Variants in CYFIP1 observed in about 807,000 individuals in gnomAD.
CYFIP1 encodes cytoplasmic FMR1 interacting protein 1, also known as cytoplasmic FMR1-interacting protein 1.
A neutral mutation model predicts 163.5 loss-of-function variants in CYFIP1; 58 were observed. The observed-to-expected ratio is 0.35, with a 90% CI of 0.29 to 0.44. CYFIP1 has a LOEUF of 0.44. Ranked by LOEUF, CYFIP1 falls within the 20% of genes least tolerant of loss-of-function variation. The probability of loss-of-function intolerance (pLI) is 1.00; values close to 1 mark genes in which losing one functional copy is unlikely to be tolerated. For synonymous variants in CYFIP1, 663 were observed against 660.7 expected, an observed-to-expected ratio of 1.00 and a Z score of -0.05; for missense variants, 1,338 against 1,653.8, an observed-to-expected ratio of 0.81 and a Z score of 3.31.
At chr15:22,909,084 A>G in intron 21 of CYFIP1, 110 bp downstream of exon 21, 1 of 1,367,572 alleles carries the variant, frequency 7.3e-7, no homozygotes, top group East Asian at 2.3e-5. Context: ...TATCTATACA[A>G]GAGGCTTGGT....
intron 1 of CYFIP1, among the ~76,000 whole-genome samples, chr15:22,972,403 C>T (rs916253831): frequency 1.3e-5 from 2 of 152,184 alleles, no homozygotes; most frequent in Admixed American, 6.5e-5. Flanking sequence ...CGCCATTGCA[C>T]TCCAGCCTGG....
rs560025583 is a variant in CYFIP1, at chr15:22,935,658, G to A, written c.900+1446C>T. Among the ~76,000 whole-genome samples the A allele has an allele frequency of 3.3e-5, 5 of 152,206 alleles. No individual in the cohort carries two copies. The South Asian group carries it at 8.3e-4, about 25-fold the overall frequency. On this transcript the variant is annotated intron_variant, in intron 9 of 30. Transcript: ENST00000617928. ...AGGAAGGGAATATACTGGTCAAAGC[G>A]TATAAAGTTTCAATTCCGCAGCATA...
chr15:22,906,539 C>T (rs1240754959), intron 21 of CYFIP1, among the ~76,000 whole-genome samples: 10 of 148,212 alleles, frequency 6.7e-5, no homozygotes, highest in African/African-American at 2.5e-4. Flanking sequence ...AATCTCGGCT[C>T]ACTGCAACCT....
In CYFIP1 at chr15:22,977,543, T is replaced by C. The variant is rs78058672; in HGVS notation, c.-7+2744A>G. 6.5e-3 allele frequency among the ~76,000 whole-genome samples: 996 copies of C among 152,196 alleles called. 21 individuals carry two copies. The highest frequency in any genetic ancestry group is 0.023 in the African/African-American group (951 of 41,526). On this transcript the variant is annotated intron_variant, in intron 1 of 30. Coordinates refer to ENST00000617928, the MANE Select transcript of CYFIP1 (RefSeq NM_014608.6). ...AGTTAAAACTTCACACTATAAAATA[T>C]GTTTTGGGTGGGCGCGGTGGTTCAC...
At chr15:22,945,835 G>A (rs187808944) in intron 3 of CYFIP1, among the ~76,000 whole-genome samples, 2 of 151,620 alleles carry the variant, frequency 1.3e-5, no homozygotes, top group Non-Finnish European at 2.9e-5. Context: ...CGCCCACTTT[G>A]GCCTCCCAAA....
rs1251433879 is a variant in CYFIP1, at chr15:22,868,666, G to C, written c.*1362C>G. 1 of 141,852 alleles carries C rather than the reference G, an allele frequency of 7.0e-6. No individual in the cohort carries two copies. The highest frequency in any genetic ancestry group is 3.1e-5 in the African/African-American group (1 of 32,784). 8.8% of individuals were successfully genotyped at this position (141,852 alleles called of 1,614,324 possible). A position where few individuals can be genotyped will look rare whatever the true frequency, so the allele number is the denominator to read the frequency against. Reference sequence around the variant, plus strand: ...TTGAGTGAGTTTGGCAGTGTAACAGGATGGTTCGTACACTTACTACTTTTC... The same window carrying C: ...TTGAGTGAGTTTGGCAGTGTAACAGCATGGTTCGTACACTTACTACTTTTC... On this transcript the variant is annotated 3_prime_UTR_variant, in exon 31 of 31. Transcript: ENST00000617928.
chr15:22,947,430 G>C (rs2062099431), intron 1 of CYFIP1, 139 bp from the exon 2 acceptor site: 1 of 1,212,140 alleles, frequency 8.2e-7, no homozygotes, highest in South Asian at 1.6e-5. Context: ...GGCATGATCA[G>C]TCCTTGGGAG....
chr15:22,902,958 T>C (rs377584245), intron 22 of CYFIP1, among the ~76,000 whole-genome samples: 1 of 152,162 alleles, frequency 6.6e-6, no homozygotes, highest in South Asian at 2.1e-4. Context: ...TACAAGTCAG[T>C]AAGAATTCAG....
chr15:22,878,548 A>C (rs1336366146), intron 26 of CYFIP1, among the ~76,000 whole-genome samples: 1 of 152,072 alleles, frequency 6.6e-6, no homozygotes, highest in Non-Finnish European at 1.5e-5. Context: ...GAAGGATTAC[A>C]AACTTCCATG....
chr15:22,906,167 T>C (rs9745042), intron 21 of CYFIP1, among the ~76,000 whole-genome samples: 49,587 of 149,604 alleles, frequency 0.33, 9,323 homozygotes, highest in African/African-American at 0.52. Flanking sequence ...AGTGCAATGG[T>C]ACAATCTTGG....
intron 3 of CYFIP1, among the ~76,000 whole-genome samples, chr15:22,946,457 A>G (rs1020863220): frequency 1.3e-5 from 2 of 152,056 alleles, no homozygotes; most frequent in Non-Finnish European, 2.9e-5. Flanking sequence ...CCCGACCAAC[A>G]TGGTGAAACC....
Position 22,947,005 on chromosome 15 carries a change from T to G in CYFIP1, c.205A>C (p.Met69Leu), listed in dbSNP as rs1567014861. ...YIEQATVHSS[M>L]NEMLEEGQEY... ...ACAAAGACACACCGCAACATTACCA[T>G]GCTAGAGTGGACGGTGGCTTGTTCA... Residue 69 changes from methionine (M) to leucine (L), a missense_variant and splice_region_variant, in exon 3 of 31, where the codon ATG becomes CTG. By Grantham distance (15) the Met-to-Leu change is conservative. This residue lies in a region of CYFIP1 where 186 missense variants were observed against 288.3 expected (regional missense o/e 0.65). Transcript: ENST00000617928. The G allele has an allele frequency of 1.2e-6, 2 of 1,613,232 alleles. No homozygotes were observed. Among genetic ancestry groups the G allele is most frequent in the Non-Finnish European group, 1.7e-6 (2 of 1,179,142 alleles).
chr15:22,913,994 C>G (rs146021773), intron 17 of CYFIP1, among the ~76,000 whole-genome samples: 1 of 152,212 alleles, frequency 6.6e-6, no homozygotes, highest in Non-Finnish European at 1.5e-5. Flanking sequence ...GGCGGCTCCC[C>G]AGTCGCTCAC....
At chr15:22,959,512 G>A (rs1040933479) in intron 1 of CYFIP1, among the ~76,000 whole-genome samples, 1 of 152,216 alleles carries the variant, frequency 6.6e-6, no homozygotes, top group African/African-American at 2.4e-5. Context: ...CAGTGGCGTG[G>A]CCCGCATGGC....
chr15:22,934,747 C>T (rs1212243416), intron 9 of CYFIP1, among the ~76,000 whole-genome samples: 1 of 151,930 alleles, frequency 6.6e-6, no homozygotes, highest in African/African-American at 2.4e-5. Flanking sequence ...ATCCACCCGC[C>T]TCGGCCTCCC....
chr15:22,917,756 GA>G lies in CYFIP1; in HGVS notation c.1674+31del, dbSNP rs2061037477. The G allele has an allele frequency of 1.3e-6, 2 of 1,517,840 alleles. No homozygotes were observed. Among genetic ancestry groups the G allele is most frequent in the Non-Finnish European group, 1.8e-6 (2 of 1,129,574 alleles). 94.0% of individuals were successfully genotyped at this position (1,517,840 alleles called of 1,614,324 possible). On this transcript the variant is annotated intron_variant, in intron 15 of 30. Coordinates refer to ENST00000617928, the MANE Select transcript of CYFIP1 (RefSeq NM_014608.6). This position sits in a 1 kb window ranked among gnomAD's most constrained non-coding sequence, Gnocchi z 4.2. ...AGCTCAGGGTGGGTCCCCCCAGGGAGAGGGTGCAGGCGGGGCTCAAGGGACG... is the reference window on the plus strand; with the variant it reads ...AGCTCAGGGTGGGTCCCCCCAGGGAGGGGTGCAGGCGGGGCTCAAGGGACG...
intron 26 of CYFIP1, among the ~76,000 whole-genome samples, chr15:22,878,379 A>G (rs1353824843): frequency 3.3e-5 from 5 of 152,122 alleles, no homozygotes; most frequent in Non-Finnish European, 7.3e-5. Flanking sequence ...GCCAGGAGAC[A>G]GGCCGGTGTG....
rs1427487364 is a variant in CYFIP1 at position 22,900,285 on chromosome 15, A to C, written c.2588+3421T>G. Among the ~76,000 whole-genome samples, 33 of 152,128 alleles carry C rather than the reference A, an allele frequency of 2.2e-4. 1 individual carries two copies. The highest frequency in any genetic ancestry group is 6.8e-3 in the Middle Eastern group (2 of 294). On this transcript the variant is annotated intron_variant, in intron 22 of 30. Transcript: ENST00000617928. ...TGCAAGCCAAGAACACCCAGAACTG[A>C]GGTCACCGCCAGAAGTAACAGCTCT...
chr15:22,891,195 C>A (rs911317241), intron 23 of CYFIP1, among the ~76,000 whole-genome samples: 1 of 152,112 alleles, frequency 6.6e-6, no homozygotes, highest in African/African-American at 2.4e-5. Flanking sequence ...GAGGCCGATG[C>A]GGGCAGATCA....
Sources: allele counts gnomAD v4.1 joint callset (sites outside exome capture counted in the v4.1 genomes callset), GRCh38; gene constraint gnomAD v4.1.1; regional missense constraint gnomAD v4.1.1; non-coding constraint Gnocchi (gnomAD v3.1); transcripts MANE v1.5; gene names NCBI Gene and HGNC (gene_info 2026-07-23, HGNC 2026-07-21).